CRYBG1: variants seen among roughly 807,000 people sequenced by gnomAD.
CRYBG1 encodes crystallin beta-gamma domain containing 1.
Under a neutral mutation model 189.2 loss-of-function variants are expected in CRYBG1, and 139 were observed. The ratio of observed to expected loss-of-function variants is 0.73; its 90% CI spans 0.64 to 0.85. The LOEUF (loss-of-function observed/expected upper bound fraction) is 0.85, where lower values mean the gene tolerates loss of function less well. Among genes scored for constraint, CRYBG1 ranks in the 40% least tolerant of loss-of-function variants. The pLI, the probability that CRYBG1 is intolerant of heterozygous loss-of-function variation, is 0.00. For synonymous variants in CRYBG1, 1,023 were observed against 1,017.1 expected (o/e 1.01, Z -0.11); for missense variants, 2,611 against 2,675.8 (o/e 0.98, Z 0.53).
In CRYBG1 at chr6:106,491,699, G is replaced by A. The variant is rs78410757; in HGVS notation, c.313-19731G>A. ...CACTTCAGGCCTCTTAACACCTTAC[G>A]TCTGAACTGCTGACTCTAGGTCCTC... is the stretch of plus-strand genomic sequence containing the variant. On this transcript the variant is annotated intron_variant, in intron 2 of 21. Transcript: ENST00000633556. 0.011 allele frequency among the ~76,000 whole-genome samples: 1,706 copies of A among 151,748 alleles called. 131 individuals are homozygous for A. The East Asian group carries it at 0.21, about 19-fold the overall frequency.
intron 2 of CRYBG1, among the ~76,000 whole-genome samples, chr6:106,491,396 T>A (rs1418541982): frequency 6.6e-6 from 1 of 152,172 alleles, no homozygotes; most frequent in Non-Finnish European, 1.5e-5. Flanking sequence ...CAAATTGTGA[T>A]CTACTATGAG....
intron 2 of CRYBG1, among the ~76,000 whole-genome samples, chr6:106,452,885 C>G (rs901199837): frequency 5.3e-5 from 8 of 152,120 alleles, no homozygotes; most frequent in South Asian, 4.1e-4. Flanking sequence ...GTTTAGCTGC[C>G]AGGCCTGAAG....
intron 2 of CRYBG1, among the ~76,000 whole-genome samples, chr6:106,456,301 G>A (rs926351535): frequency 3.3e-5 from 5 of 150,858 alleles, no homozygotes; most frequent in African/African-American, 1.2e-4. Flanking sequence ...TAACAGACAT[G>A]TGCTACCATG....
At position 106,568,736 on chromosome 6, in the gene CRYBG1, A is replaced by AAAAG; in HGVS notation, c.*172_*175dup. The AAAAG allele has an allele frequency of 1.8e-6, 1 of 552,064 alleles. No individual in the cohort carries two copies. The highest frequency in any genetic ancestry group is 2.8e-5 in the East Asian group (1 of 35,340). The allele number at this position is 552,064 out of a possible 1,614,324, so 34.2% of individuals were successfully genotyped here. A position where few individuals can be genotyped will look rare whatever the true frequency, so the allele number is the denominator to read the frequency against. On this transcript the variant is annotated 3_prime_UTR_variant, in exon 22 of 22. Coordinates refer to ENST00000633556, the MANE Select transcript of CRYBG1 (RefSeq NM_001371242.2). ...ACTCAGAGAACTTACTCATCGTTTC[A>AAAAG]AAAGACTATCATAGCTTTAAACCAA...
At chr6:106,406,268 A>C (rs1350198979) in intron 1 of CRYBG1, among the ~76,000 whole-genome samples, 1 of 152,228 alleles carries the variant, frequency 6.6e-6, no homozygotes, top group African/African-American at 2.4e-5. Context: ...AAGTGGAAGA[A>C]AGGATATCAG....
chr6:106,441,042 G>A (rs75406206), intron 1 of CRYBG1, among the ~76,000 whole-genome samples: 1,922 of 152,250 alleles, frequency 0.013, 40 homozygotes, highest in African/African-American at 0.044. Flanking sequence ...ATTACAATCA[G>A]GGAAATCTTG....
chr6:106,418,033 C>T (rs1009581891), intron 1 of CRYBG1, among the ~76,000 whole-genome samples: 6 of 152,246 alleles, frequency 3.9e-5, no homozygotes, highest in African/African-American at 1.4e-4. Context: ...TACCTGCACT[C>T]AGTGGGTCCT....
chr6:106,539,584 A>G, intron 9 of CRYBG1, 55 bp downstream of exon 9: 1 of 1,567,066 alleles, frequency 6.4e-7, no homozygotes. Flanking sequence ...TTGACGTGGT[A>G]ATTCACAGGG....
chr6:106,436,112 A>G (rs552833940), intron 1 of CRYBG1, among the ~76,000 whole-genome samples: 38 of 152,302 alleles, frequency 2.5e-4, no homozygotes, highest in Non-Finnish European at 5.1e-4. Flanking sequence ...GGAACCTATT[A>G]GGAGTTTTAA....
chr6:106,564,973 C>A (rs201105343), intron 21 of CRYBG1, among the ~76,000 whole-genome samples: 1 of 152,038 alleles, frequency 6.6e-6, no homozygotes, highest in East Asian at 1.9e-4. Context: ...CAAAATGACT[C>A]AATTTTACTT....
intron 1 of CRYBG1, among the ~76,000 whole-genome samples, chr6:106,389,158 T>C (rs1466538865): frequency 6.6e-6 from 1 of 152,188 alleles, no homozygotes; most frequent in Non-Finnish European, 1.5e-5. Context: ...ATCTTTTTTT[T>C]AGATTAAAAA....
chr6:106,456,359 A>G (rs1771889150), intron 2 of CRYBG1, among the ~76,000 whole-genome samples: 1 of 147,762 alleles, frequency 6.8e-6, no homozygotes, highest in African/African-American at 2.5e-5. Context: ...ATGGAGTTTC[A>G]CCATATTGGC....
intron 8 of CRYBG1, among the ~76,000 whole-genome samples, chr6:106,534,756 T>C (rs2114561255): frequency 6.6e-6 from 1 of 152,250 alleles, no homozygotes; most frequent in Admixed American, 6.5e-5. Context: ...TTTAAGCAGC[T>C]GGCTAATCCT....
chr6:106,570,089 A>C lies in CRYBG1; in HGVS notation c.*1523A>C, dbSNP rs1168562075. ...ACAGTGGGTTCTAGCTTTGAACAAAAGTGCTAAACATTTCCTTGAATATAT... is the reference window on the plus strand; with the variant it reads ...ACAGTGGGTTCTAGCTTTGAACAAACGTGCTAAACATTTCCTTGAATATAT... On this transcript the variant is annotated 3_prime_UTR_variant, in exon 22 of 22. Transcript: ENST00000633556. 1 of 152,230 alleles carries C rather than the reference A, an allele frequency of 6.6e-6. No individual in the cohort carries two copies. The highest frequency in any genetic ancestry group is 2.4e-5 in the African/African-American group (1 of 41,464). The allele number at this position is 152,230 out of a possible 1,614,324, so 9.4% of individuals were successfully genotyped here.
At chr6:106,483,455 A>G (rs1010784933) in intron 2 of CRYBG1, among the ~76,000 whole-genome samples, 11 of 149,306 alleles carry the variant, frequency 7.4e-5, no homozygotes, top group African/African-American at 2.4e-4. Context: ...TTGATTCCAT[A>G]TTTTGGCTGT....
intron 4 of CRYBG1, 151 bp downstream of exon 4, chr6:106,521,604 T>G: frequency 1.1e-6 from 1 of 924,004 alleles, no homozygotes; most frequent in African/African-American, 1.7e-5. Flanking sequence ...ACCTGCAATG[T>G]ACAAGGGACC....
At chr6:106,456,318 TA>T in intron 2 of CRYBG1, among the ~76,000 whole-genome samples, 1 of 133,534 alleles carries the variant, frequency 7.5e-6, no homozygotes, top group Non-Finnish European at 1.5e-5. Context: ...CATGCCCAGC[TA>T]TTTTTTTTTT....
At chr6:106,362,843 A>G (rs910245521) in intron 1 of CRYBG1, among the ~76,000 whole-genome samples, 1 of 152,200 alleles carries the variant, frequency 6.6e-6, no homozygotes, top group Non-Finnish European at 1.5e-5. Context: ...AAACATTTCC[A>G]TCGTGGTTTT....
intron 15 of CRYBG1, among the ~76,000 whole-genome samples, chr6:106,552,594 A>G (rs1774433079): frequency 7.2e-6 from 1 of 139,216 alleles, no homozygotes; most frequent in African/African-American, 2.5e-5. Flanking sequence ...AAAAAAAAAA[A>G]AAAAAAAAAA....
Sources: gnomAD v4.1 joint callset for allele counts (sites outside exome capture counted in the v4.1 genomes callset) on GRCh38, gnomAD v4.1.1 for gene constraint, MANE v1.5 for transcripts, NCBI Gene and HGNC (gene_info 2026-07-23, HGNC 2026-07-21) for gene names.